JADE1: variants seen among roughly 807,000 people sequenced by gnomAD.
JADE1 encodes the protein protein Jade-1.
A neutral mutation model predicts 81.8 loss-of-function variants in JADE1; 14 were observed. That is an observed-to-expected ratio of 0.17 (90% CI 0.11 to 0.27). The LOEUF (loss-of-function observed/expected upper bound fraction) is 0.27, where lower values mean the gene tolerates loss of function less well. Among genes scored for constraint, JADE1 ranks in the 10% least tolerant of loss-of-function variants. JADE1 has a pLI of 1.00. For missense variants in JADE1, 690 were observed against 1,047.9 expected (o/e 0.66, Z 4.71); for synonymous variants, 353 against 391.9 (o/e 0.90, Z 1.17).
At chr4:128,821,663 G>C (rs1013388736) in intron 1 of JADE1, among the ~76,000 whole-genome samples, 5 of 151,972 alleles carry the variant, frequency 3.3e-5, no homozygotes, top group African/African-American at 1.2e-4. Context: ...CCTGATTACA[G>C]GTGCCTGCCA....
chr4:128,821,486 G>A (rs541594539), intron 1 of JADE1, among the ~76,000 whole-genome samples: 36 of 137,632 alleles, frequency 2.6e-4, no homozygotes, highest in African/African-American at 9.3e-4. Context: ...AGTTGAAATG[G>A]CTTCTTCTTT....
chr4:128,861,650 G>A, intron 8 of JADE1, 54 bp from the exon 9 acceptor site: 1 of 1,573,394 alleles, frequency 6.4e-7, no homozygotes, highest in South Asian at 1.2e-5. Context: ...CAGGCCTTCT[G>A]CCATCATTGC....
At chr4:128,836,683 C>G (rs933068635) in intron 2 of JADE1, among the ~76,000 whole-genome samples, 1 of 151,034 alleles carries the variant, frequency 6.6e-6, no homozygotes, top group Admixed American at 6.6e-5. Flanking sequence ...TTGTTTTTAT[C>G]AGGAATTATA....
At chr4:128,822,573 G>T (rs1360435940) in intron 1 of JADE1, among the ~76,000 whole-genome samples, 1 of 151,624 alleles carries the variant, frequency 6.6e-6, no homozygotes, top group Admixed American at 6.6e-5. Context: ...TACAAAATTA[G>T]CCGGGCGTGG....
In JADE1 at chr4:128,852,323, TG is replaced by T. The variant is rs1377362522; in HGVS notation, c.696+56del. On this transcript the variant is annotated intron_variant, in intron 6 of 10. Coordinates refer to ENST00000226319, the MANE Select transcript of JADE1 (RefSeq NM_199320.4). ...AAACCTGGGGCATGAGCCTGTCTGC[TG>T]TGGGAGTGTATGCCTGGAGTCCAGG... 6.2e-5 allele frequency: 88 copies of T among 1,429,958 alleles called. No individual in the cohort carries two copies. The Middle Eastern group carries it at 6.4e-4, about 10-fold the overall frequency. 88.6% of individuals were successfully genotyped at this position (1,429,958 alleles called of 1,614,324 possible).
chr4:128,872,841 T>TA lies in JADE1; in HGVS notation c.*585dup. 1 of 449,476 alleles carries TA rather than the reference T, an allele frequency of 2.2e-6. No homozygotes were observed. Among genetic ancestry groups the TA allele is most frequent in the Admixed American group, 2.4e-5 (1 of 41,856 alleles). The allele number at this position is 449,476 out of a possible 1,614,324, so 27.8% of individuals were successfully genotyped here. A position where few individuals can be genotyped will look rare whatever the true frequency, so the allele number is the denominator to read the frequency against. On this transcript the variant is annotated 3_prime_UTR_variant, in exon 11 of 11. Coordinates refer to ENST00000226319, the MANE Select transcript of JADE1 (RefSeq NM_199320.4). ...ATATAGCAGTCAGGGAAGAGAATTT[T>TA]AAAAAAGGTCATTATTGAAGAAGCT...
chr4:128,821,860 GT>G (rs1432236937), intron 1 of JADE1, among the ~76,000 whole-genome samples: 1 of 152,012 alleles, frequency 6.6e-6, no homozygotes, highest in Non-Finnish European at 1.5e-5. Context: ...GTCTGGGTTA[GT>G]TTTTTTCTAT....
At chr4:128,816,183 T>C (rs1039513948) in intron 1 of JADE1, among the ~76,000 whole-genome samples, 3 of 152,192 alleles carry the variant, frequency 2.0e-5, no homozygotes, top group African/African-American at 7.2e-5. Context: ...CAGCACTTTA[T>C]ATGACCATGT....
At chr4:128,825,562 A>T (rs1579118141) in intron 1 of JADE1, among the ~76,000 whole-genome samples, 1 of 152,290 alleles carries the variant, frequency 6.6e-6, no homozygotes, top group East Asian at 1.9e-4. Flanking sequence ...CAAGGTTTTC[A>T]GGTGCCTTGC....
intron 1 of JADE1, chr4:128,810,471 T>C: frequency 6.8e-6 from 1 of 147,194 alleles, no homozygotes; most frequent in Non-Finnish European, 1.5e-5. Flanking sequence ...TTTTTTTTTT[T>C]TTTAGAAAGC....
In JADE1 at chr4:128,852,145, G is replaced by A. The variant is rs748498958; in HGVS notation, c.573G>A (p.Glu191=). ...RCYDNMNHAI[E]TEEGLGIEYD... is the part of the protein sequence containing the mutation. ...ACGACAATATGAATCATGCCATAGA[G>A]ACTGAGGAAGGCCTGGGGATCGAAT... Residue 191 remains glutamate, a synonymous_variant, in exon 6 of 11, where the codon GAG becomes GAA. Transcript: ENST00000226319. 2.5e-6 allele frequency: 4 copies of A among 1,614,062 alleles called. No homozygotes were observed. Among genetic ancestry groups the A allele is most frequent in the Admixed American group, 3.3e-5 (2 of 60,012 alleles).
intron 9 of JADE1, chr4:128,864,691 G>C (rs1731653999): frequency 1.3e-6 from 1 of 776,614 alleles, no homozygotes; most frequent in Non-Finnish European, 1.6e-6. Context: ...GTTTATAGCA[G>C]ATCCTCAAAA....
At position 128,874,560 on chromosome 4, in the gene JADE1, T is replaced by C. The variant is rs751455999; in HGVS notation, c.*2298T>C. ...ACACAAAAATAAAAAGCCCACACTTTTTATTCCTGCTTCGAAATGCAAATG... is the reference window on the plus strand; with the variant it reads ...ACACAAAAATAAAAAGCCCACACTTCTTATTCCTGCTTCGAAATGCAAATG... On this transcript the variant is annotated 3_prime_UTR_variant, in exon 11 of 11. Coordinates refer to ENST00000226319, the MANE Select transcript of JADE1 (RefSeq NM_199320.4). 3 of 152,426 alleles carry C rather than the reference T, an allele frequency of 2.0e-5. No homozygotes were observed. Among genetic ancestry groups the C allele is most frequent in the Admixed American group, 2.0e-4 (3 of 15,260 alleles). The allele number at this position is 152,426 out of a possible 1,614,324, so 9.4% of individuals were successfully genotyped here.
intron 8 of JADE1, among the ~76,000 whole-genome samples, chr4:128,859,151 G>C (rs1731059111): frequency 6.6e-6 from 1 of 151,942 alleles, no homozygotes; most frequent in African/African-American, 2.4e-5. Context: ...AGAGAAAAGG[G>C]CAGGGAGCTG....
At position 128,864,648 on chromosome 4, in the gene JADE1, AAGTT is replaced by A. The variant is rs564394380; in HGVS notation, c.1503+2428_1503+2431del. ...TTACTACCAACTTGTTTTCTCAAGT[AAGTT>A]AGTTTTCTGTTTAATTCACACAATA... is the stretch of plus-strand genomic sequence containing the variant. On this transcript the variant is annotated intron_variant, in intron 9 of 10. Transcript: ENST00000226319. 1.2e-3 allele frequency: 1,194 copies of A among 976,710 alleles called. 2 individuals carry two copies. The highest frequency in any genetic ancestry group is 1.4e-3 in the Non-Finnish European group (1,154 of 822,016). 60.5% of individuals were successfully genotyped at this position (976,710 alleles called of 1,614,324 possible).
In JADE1 at chr4:128,846,484, G is replaced by A; in HGVS notation, c.248G>A (p.Gly83Glu). The A allele has an allele frequency of 6.2e-7, 1 of 1,614,192 alleles. No individual in the cohort carries two copies. The highest frequency in any genetic ancestry group is 8.5e-7 in the Non-Finnish European group (1 of 1,180,030). ...ADPWRQEWEK[G>E]VQVPVSPGTI... is the part of the protein sequence containing the mutation. The stretch of plus-strand genomic sequence containing the variant: ...CCCTGGAGACAGGAATGGGAGAAAG[G>A]GGTCCAGGTGCCTGTGAGCCCGGGG... Residue 83 changes from glycine (G) to glutamate (E), a missense_variant, in exon 4 of 11, where the codon GGG (glycine) becomes GAG (glutamate). Gly to Glu is a moderately conservative substitution (Grantham distance 98, BLOSUM62 -2). Around this residue, in one of 8 missense-constraint regions of JADE1, gnomAD observed 98 missense variants for 161.3 expected, o/e 0.61. Transcript: ENST00000226319. The surrounding 1 kb of genome is among the most constrained non-coding windows in gnomAD (Gnocchi z 4.0).
intron 7 of JADE1, 151 bp downstream of exon 7, chr4:128,855,948 TAG>T (rs1289313440): frequency 5.2e-6 from 3 of 573,574 alleles, no homozygotes; most frequent in Non-Finnish European, 8.7e-6. Context: ...GCCTTTTGAG[TAG>T]CTGAGATTAT....
At chr4:128,856,407 A>C (rs886547617) in intron 7 of JADE1, among the ~76,000 whole-genome samples, 4 of 151,838 alleles carry the variant, frequency 2.6e-5, no homozygotes, top group African/African-American at 4.8e-5. Context: ...CGCGACTCTC[A>C]CTCTCAGGAG....
At chr4:128,857,481 A>C in intron 8 of JADE1, 27 bp downstream of exon 8, 4 of 1,558,220 alleles carry the variant, frequency 2.6e-6, no homozygotes, top group Non-Finnish European at 3.5e-6. Context: ...GAATGGCTTC[A>C]TTTTCCTTTC....
Sources: allele counts gnomAD v4.1 joint callset (sites outside exome capture counted in the v4.1 genomes callset), GRCh38; gene constraint gnomAD v4.1.1; regional missense constraint gnomAD v4.1.1; non-coding constraint Gnocchi (gnomAD v3.1); transcripts MANE v1.5; gene names NCBI Gene and HGNC (gene_info 2026-07-23, HGNC 2026-07-21).